PIK3C2G: variants seen among roughly 807,000 people sequenced by gnomAD.
The protein encoded by PIK3C2G is phosphatidylinositol-4-phosphate 3-kinase catalytic subunit type 2 gamma, also known as phosphatidylinositol 3-kinase C2 domain-containing subunit gamma.
A neutral mutation model predicts 181.1 loss-of-function variants in PIK3C2G; 168 were observed. The observed-to-expected ratio is 0.93, with a 90% CI of 0.82 to 1.05. The LOEUF (loss-of-function observed/expected upper bound fraction) is 1.05. PIK3C2G is among the 50% of genes least tolerant of loss of function. PIK3C2G has a pLI of 0.00. For missense variants in PIK3C2G, 1,869 were observed against 1,732.8 expected (o/e 1.08, Z -1.40); for synonymous variants, 573 against 592.2 (o/e 0.97, Z 0.47).
intron 5 of PIK3C2G, among the ~76,000 whole-genome samples, chr12:18,298,403 T>C (rs1326580898): frequency 8.3e-6 from 1 of 120,450 alleles, no homozygotes; most frequent in African/African-American, 2.8e-5. Flanking sequence ...GTTTGTGTGT[T>C]TTTTCTTTTT....
chr12:18,342,077 A>G (rs576697057), intron 9 of PIK3C2G, among the ~76,000 whole-genome samples: 8 of 152,264 alleles, frequency 5.3e-5, no homozygotes, highest in African/African-American at 1.9e-4. Flanking sequence ...AAGTGAAAAT[A>G]TGGTCTTGCA....
At chr12:18,656,097 G>A in the PIK3C2G span, among the ~76,000 whole-genome samples, 1 of 152,110 alleles carries the variant, frequency 6.6e-6, no homozygotes, top group Non-Finnish European at 1.5e-5. Context: ...CAGCAAAAAT[G>A]GTGAAGTAGG....
At chr12:18,699,591 C>T in the PIK3C2G span, among the ~76,000 whole-genome samples, 1 of 151,986 alleles carries the variant, frequency 6.6e-6, no homozygotes, top group Non-Finnish European at 1.5e-5. Flanking sequence ...AATGTCATGG[C>T]TTAGGAAAGT....
intron 12 of PIK3C2G, among the ~76,000 whole-genome samples, chr12:18,366,207 A>G (rs979789954): frequency 3.3e-5 from 5 of 152,194 alleles, no homozygotes; most frequent in Admixed American, 2.6e-4. Context: ...TCTATTGTTT[A>G]GTGTCTTCAT....
chr12:18,723,438 A>G, the PIK3C2G span: 17 of 1,612,988 alleles, frequency 1.1e-5, no homozygotes, highest in Non-Finnish European at 1.4e-5. Flanking sequence ...GGTTTTCAGA[A>G]TATGTGTTGA....
chr12:18,443,181 C>T (rs2135838927), intron 18 of PIK3C2G, among the ~76,000 whole-genome samples: 1 of 152,192 alleles, frequency 6.6e-6, no homozygotes, highest in South Asian at 2.1e-4. Context: ...TAATATCCGA[C>T]TTTTTATTCC....
the PIK3C2G span, among the ~76,000 whole-genome samples, chr12:18,690,209 TTTTG>T: frequency 7.4e-3 from 1,121 of 151,970 alleles, 13 homozygotes; most frequent in African/African-American, 0.021. Context: ...CACATCTGTT[TTTTG>T]TTTGTTTGTT....
chr12:18,291,063 C>T (rs372020640), intron 4 of PIK3C2G, 51 bp downstream of exon 4: 24 of 1,085,282 alleles, frequency 2.2e-5, no homozygotes, highest in East Asian at 1.5e-4. Flanking sequence ...CTGGTATTGG[C>T]GACGTAGCCT....
At chr12:18,698,906 C>T in the PIK3C2G span, among the ~76,000 whole-genome samples, 3 of 152,160 alleles carry the variant, frequency 2.0e-5, no homozygotes, top group South Asian at 6.2e-4. Flanking sequence ...CATTATTGTC[C>T]TTACTTCCCC....
At position 18,353,759 on chromosome 12, in the gene PIK3C2G, G is replaced by C. The variant is rs188120836; in HGVS notation, c.1625+6923G>C. Among the ~76,000 whole-genome samples, 598 of 152,232 alleles carry C rather than the reference G, an allele frequency of 3.9e-3. 1 individual carries two copies. The highest frequency in any genetic ancestry group is 0.014 in the African/African-American group (562 of 41,528). On this transcript the variant is annotated intron_variant, in intron 11 of 32. Coordinates refer to ENST00000538779, the MANE Select transcript of PIK3C2G (RefSeq NM_001288772.2). ...AAATTTATCCTTTATGTTTAGTTAT[G>C]CCTCACCAGAATCAGAAGATAGAGA...
chr12:18,271,156 C>T (rs991096509), intron 1 of PIK3C2G, among the ~76,000 whole-genome samples: 8 of 152,086 alleles, frequency 5.3e-5, no homozygotes, highest in African/African-American at 1.9e-4. Flanking sequence ...CAGGCCCCTC[C>T]TTTTCAACAC....
intron 22 of PIK3C2G, among the ~76,000 whole-genome samples, chr12:18,498,858 A>G (rs989527275): frequency 1.3e-5 from 2 of 152,316 alleles, no homozygotes; most frequent in African/African-American, 4.8e-5. Context: ...TCTAGTTCCT[A>G]CAACAGTCAT....
At chr12:18,650,664 ATG>A (rs1159499235), downstream of PIK3C2G, among the ~76,000 whole-genome samples, 1,094 of 35,482 alleles carry the variant, frequency 0.031, 20 homozygotes, top group East Asian at 0.082. Context: ...TGGAATATAA[ATG>A]TGTGTGTGTG....
At chr12:18,538,071 T>A in intron 24 of PIK3C2G, 85 bp from the exon 25 acceptor site, 8 of 1,305,414 alleles carry the variant, frequency 6.1e-6, no homozygotes, top group Non-Finnish European at 8.6e-6. Context: ...AAAATTCAAA[T>A]GAAAATAAGT....
chr12:18,489,688 TTAC>T (rs1592389646), intron 19 of PIK3C2G, among the ~76,000 whole-genome samples: 1 of 152,314 alleles, frequency 6.6e-6, no homozygotes, highest in East Asian at 1.9e-4. Flanking sequence ...TTTTTAAACG[TTAC>T]TACAAGTTCA....
At chr12:18,488,396 G>A in intron 18 of PIK3C2G, 53 bp from the exon 19 acceptor site, 2 of 1,296,184 alleles carry the variant, frequency 1.5e-6, no homozygotes, top group Non-Finnish European at 1.0e-6. Flanking sequence ...GCTGGATGTG[G>A]TTTAAAAAAT....
At chr12:18,630,427 A>G (rs1949301107) in intron 31 of PIK3C2G, among the ~76,000 whole-genome samples, 1 of 152,060 alleles carries the variant, frequency 6.6e-6, no homozygotes. Context: ...ACAACAAAAG[A>G]ATAAGATGAA....
rs368062288 is a variant in PIK3C2G at position 18,338,544 on chromosome 12, G to C, written c.1391G>C (p.Gly464Ala). ...CTAAGTCTAATTCTTCAGAGAAAAG[G>C]AGAGGTAAGTACATTCATTTATTAC... ...NELSLILQRK[G>A]ENFYQSSETS... Residue 464 changes from glycine (G) to alanine (A), a missense_variant, in exon 9 of 33, where the codon GGA becomes GCA. Transcript: ENST00000538779. 538 of 1,588,018 alleles carry C rather than the reference G, an allele frequency of 3.4e-4. No individual in the cohort carries two copies. Among genetic ancestry groups the C allele is most frequent in the Non-Finnish European group, 4.4e-4 (510 of 1,158,908 alleles).
intron 2 of PIK3C2G, 50 bp downstream of exon 2, chr12:18,282,809 C>T (rs1949278455): frequency 4.2e-6 from 5 of 1,202,528 alleles, no homozygotes; most frequent in Admixed American, 2.4e-5. Flanking sequence ...AAGAATCATT[C>T]AATAATGTAT....
Sources: gnomAD v4.1 joint callset for allele counts (sites outside exome capture counted in the v4.1 genomes callset) on GRCh38, gnomAD v4.1.1 for gene constraint, MANE v1.5 for transcripts, NCBI Gene and HGNC (gene_info 2026-07-23, HGNC 2026-07-21) for gene names.